The following SLCO3A1 variants were observed in gnomAD, a reference collection of about 807,000 sequenced individuals.
The protein encoded by SLCO3A1 is PGE1 transporter.
In SLCO3A1, 27 loss-of-function variants were observed where a neutral mutation model predicts 63.1. The observed-to-expected ratio is 0.43, with a 90% CI of 0.32 to 0.59. The LOEUF is 0.59. Among genes scored for constraint, SLCO3A1 ranks in the 20% least tolerant of loss-of-function variants. SLCO3A1 has a pLI of 0.09. For synonymous variants in SLCO3A1, 473 were observed against 409.9 expected, an observed-to-expected ratio of 1.15 and a Z score of -1.86; for missense variants, 773 against 945.8, an observed-to-expected ratio of 0.82 and a Z score of 2.40.
chr15:92,025,331 G>A (rs542459656), intron 2 of SLCO3A1, among the ~76,000 whole-genome samples: 68 of 152,090 alleles, frequency 4.5e-4, no homozygotes, highest in Non-Finnish European at 7.8e-4. Flanking sequence ...TAAATTTTAA[G>A]TTCTTATTTT....
intron 2 of SLCO3A1, among the ~76,000 whole-genome samples, chr15:91,991,894 G>A (rs2151444817): frequency 6.6e-6 from 1 of 151,808 alleles, no homozygotes; most frequent in South Asian, 2.1e-4. Flanking sequence ...AAGTTGAATT[G>A]GGGGTAATCC....
chr15:91,915,217 C>A (rs977601230), intron 1 of SLCO3A1, among the ~76,000 whole-genome samples: 1 of 152,098 alleles, frequency 6.6e-6, no homozygotes, highest in African/African-American at 2.4e-5. Flanking sequence ...GGCCAGATGT[C>A]CTCTCTCCAT....
At chr15:92,135,751 C>T (rs576227140) in intron 7 of SLCO3A1, among the ~76,000 whole-genome samples, 37 of 152,310 alleles carry the variant, frequency 2.4e-4, no homozygotes, top group African/African-American at 6.0e-4. Context: ...TGGTGTCCCA[C>T]GTTCTTTGAT....
intron 2 of SLCO3A1, among the ~76,000 whole-genome samples, chr15:91,964,959 C>A (rs28690782): frequency 6.6e-6 from 1 of 151,976 alleles, no homozygotes; most frequent in Non-Finnish European, 1.5e-5. Context: ...GCCAGCAGTC[C>A]TACCTCTAGA....
At chr15:92,169,759 C>T (rs1198990116), downstream of SLCO3A1, among the ~76,000 whole-genome samples, 1 of 152,136 alleles carries the variant, frequency 6.6e-6, no homozygotes, top group Non-Finnish European at 1.5e-5. Flanking sequence ...TCAAACACAC[C>T]GAAGCTGGTC....
Position 92,165,115 on chromosome 15 carries a change from A to G in SLCO3A1, c.*1980A>G. 2.0e-6 allele frequency: 2 copies of G among 985,456 alleles called. No individual in the cohort carries two copies. The highest frequency in any genetic ancestry group is 2.4e-6 in the Non-Finnish European group (2 of 829,934). 61.0% of individuals were successfully genotyped at this position (985,456 alleles called of 1,614,324 possible). A position where few individuals can be genotyped will look rare whatever the true frequency, so the allele number is the denominator to read the frequency against. ...TTGTAAATGAAGAGGCTTGAATGACAGCCCAAATCTAGAGAAGGCACTCAG... is the reference window on the plus strand; with the variant it reads ...TTGTAAATGAAGAGGCTTGAATGACGGCCCAAATCTAGAGAAGGCACTCAG... On this transcript the variant is annotated 3_prime_UTR_variant, in exon 10 of 10. Transcript: ENST00000318445.
At position 91,875,307 on chromosome 15, in the gene SLCO3A1, C is replaced by T. The variant is rs1897372738; in HGVS notation, c.180+21219C>T. Among the ~76,000 whole-genome samples the T allele has an allele frequency of 6.6e-6, 1 of 152,156 alleles. No homozygotes were observed. Among genetic ancestry groups the T allele is most frequent in the Non-Finnish European group, 1.5e-5 (1 of 68,028 alleles). ...ACTTCTGTTATGAAGCCACTCCTGCCTCCCTTTCCTCTGACCCTCCCCTCC... is the reference window on the plus strand; with the variant it reads ...ACTTCTGTTATGAAGCCACTCCTGCTTCCCTTTCCTCTGACCCTCCCCTCC... On this transcript the variant is annotated intron_variant, in intron 1 of 9. Transcript: ENST00000318445. This position sits in a 1 kb window ranked among gnomAD's most constrained non-coding sequence, Gnocchi z 4.5.
rs1475850946 is a variant in SLCO3A1 at position 92,152,325 on chromosome 15, TTCTA to T, written c.1753+1314_1753+1317del. On this transcript the variant is annotated intron_variant, in intron 9 of 9. Coordinates refer to ENST00000318445, the MANE Select transcript of SLCO3A1 (RefSeq NM_013272.4). ...TCCTTCTCCGTCTATAGCAAAAACT[TTCTA>T]TCAATCTGTGATCATTCCCTCTGTG... Among the ~76,000 whole-genome samples the T allele has an allele frequency of 7.2e-5, 11 of 152,216 alleles. No individual in the cohort carries two copies. The East Asian group carries it at 1.5e-3, about 21-fold the overall frequency.
chr15:92,126,968 G>T (rs372200907), intron 6 of SLCO3A1, among the ~76,000 whole-genome samples: 1 of 152,192 alleles, frequency 6.6e-6, no homozygotes, highest in Admixed American at 6.5e-5. Flanking sequence ...TCTCTCTAGA[G>T]CCAGACTCTT....
chr15:91,989,819 TGATA>T (rs1466314334), intron 2 of SLCO3A1, among the ~76,000 whole-genome samples: 15 of 152,256 alleles, frequency 9.9e-5, no homozygotes, highest in African/African-American at 3.6e-4. Context: ...TTAGTCACAG[TGATA>T]GATTATCAAA....
At chr15:92,128,987 G>T (rs2047960341) in intron 7 of SLCO3A1, among the ~76,000 whole-genome samples, 1 of 152,210 alleles carries the variant, frequency 6.6e-6, no homozygotes, top group African/African-American at 2.4e-5. Flanking sequence ...ATTTTTGGGA[G>T]GAGGTGGGTT....
intron 2 of SLCO3A1, among the ~76,000 whole-genome samples, chr15:91,918,133 A>C (rs1001426996): frequency 1.3e-5 from 2 of 152,138 alleles, no homozygotes; most frequent in Non-Finnish European, 1.5e-5. Flanking sequence ...GTTTCCCCAC[A>C]CTGGGTGAGG....
chr15:92,041,644 T>C (rs192186010), intron 2 of SLCO3A1, among the ~76,000 whole-genome samples: 4 of 152,308 alleles, frequency 2.6e-5, no homozygotes, highest in Admixed American at 1.3e-4. Context: ...ATTCAAATCA[T>C]AGTTGCAGAA....
In SLCO3A1 at chr15:91,897,859, G is replaced by T. The variant is rs1348361872; in HGVS notation, c.181-18134G>T. ...ACATGTGAGCATGAGGATGGGTGCG[G>T]GAGGCGAAAGGCAGCTGAAACTGCA... On this transcript the variant is annotated intron_variant, in intron 1 of 9. Transcript: ENST00000318445. This position sits in a 1 kb window ranked among gnomAD's most constrained non-coding sequence, Gnocchi z 4.7. Among the ~76,000 whole-genome samples the T allele has an allele frequency of 6.6e-6, 1 of 152,174 alleles. No individual in the cohort carries two copies. The highest frequency in any genetic ancestry group is 1.5e-5 in the Non-Finnish European group (1 of 68,040).
chr15:92,054,968 G>A (rs966495354), intron 2 of SLCO3A1, among the ~76,000 whole-genome samples: 1 of 152,168 alleles, frequency 6.6e-6, no homozygotes, highest in Non-Finnish European at 1.5e-5. Flanking sequence ...TATATACCCA[G>A]TAATGGAATT....
At chr15:92,041,734 G>C (rs2046799017) in intron 2 of SLCO3A1, among the ~76,000 whole-genome samples, 1 of 152,150 alleles carries the variant, frequency 6.6e-6, no homozygotes, top group Admixed American at 6.5e-5. Context: ...TTAGAAATCA[G>C]AACTGTAGAG....
At position 91,872,372 on chromosome 15, in the gene SLCO3A1, A is replaced by T. The variant is rs145739206; in HGVS notation, c.180+18284A>T. On this transcript the variant is annotated intron_variant, in intron 1 of 9. Transcript: ENST00000318445. The surrounding 1 kb of genome is among the most constrained non-coding windows in gnomAD (Gnocchi z 4.1). ...GTGGTGAAACCCCTTCTCTACTAAA[A>T]ATACAAAAAAATAGCCGGGCATGGT... is the stretch of plus-strand genomic sequence containing the variant. Among the ~76,000 whole-genome samples the T allele has an allele frequency of 4.7e-3, 719 of 152,154 alleles. 5 individuals carry two copies. Among genetic ancestry groups the T allele is most frequent in the African/African-American group, 0.017 (691 of 41,518 alleles).
chr15:91,988,441 T>C (rs2046082886), intron 2 of SLCO3A1, among the ~76,000 whole-genome samples: 1 of 152,354 alleles, frequency 6.6e-6, no homozygotes, highest in South Asian at 2.1e-4. Context: ...ATTTTATTTT[T>C]AAATGTTATT....
chr15:92,025,166 CTT>C (rs11413999), intron 2 of SLCO3A1, among the ~76,000 whole-genome samples: 50 of 128,926 alleles, frequency 3.9e-4, no homozygotes, highest in Non-Finnish European at 4.7e-4. Context: ...TTAGGTTGTC[CTT>C]TTTTTTTTTT....
Sources: gnomAD v4.1 joint callset for allele counts (sites outside exome capture counted in the v4.1 genomes callset) on GRCh38, gnomAD v4.1.1 for gene constraint, Gnocchi (gnomAD v3.1) non-coding constraint, MANE v1.5 for transcripts, NCBI Gene and HGNC (gene_info 2026-07-23, HGNC 2026-07-21) for gene names.